RIF1: variants seen among roughly 807,000 people sequenced by gnomAD.
RIF1 encodes replication timing regulatory factor 1.
A neutral mutation model predicts 247.1 loss-of-function variants in RIF1; 45 were observed. The observed-to-expected ratio is 0.18, with a 90% CI of 0.14 to 0.23. The LOEUF is 0.23. Among genes scored for constraint, RIF1 ranks in the 10% least tolerant of loss-of-function variants. The pLI is 1.00. For synonymous variants in RIF1, 1,087 were observed against 978.8 expected (o/e 1.11, Z -2.06); for missense variants, 2,967 against 2,862.5 (o/e 1.04, Z -0.83).
intron 33 of RIF1, 95 bp from the exon 34 acceptor site, chr2:151,469,616 T>G: frequency 5.8e-5 from 55 of 951,246 alleles, no homozygotes; most frequent in Non-Finnish European, 7.4e-5. Context: ...CAGTTATGAT[T>G]GAGCTTAAAT....
At chr2:151,507,919 C>T (rs2070637413) in exon 14 of RIF1, 5 of 903,944 alleles carry the variant, frequency 5.5e-6, no homozygotes, top group Non-Finnish European at 8.9e-6. Context: ...ACAACAGCCC[C>T]ACTGCAAGCC....
rs1223114980 is a variant in RIF1 at position 151,468,720 on chromosome 2, T to C, written c.6905T>C (p.Val2302Ala). 6.2e-7 allele frequency: 1 copy of C among 1,613,718 alleles called. No homozygotes were observed. Among genetic ancestry groups the C allele is most frequent in the African/African-American group, 1.3e-5 (1 of 74,936 alleles). ...CCATTGGTGAACTGTGTGGCACCAG[T>C]TGACATCATTTTACCTCAGATTACA... is the stretch of plus-strand genomic sequence containing the variant. ...YPPLVNCVAP[V>A]DIILPQITSN... The change falls in exon 33 of 36, where the codon GTT (valine) becomes GCT (alanine). Residue 2302 changes from valine (V) to alanine (A), a missense_variant. Coordinates refer to ENST00000444746, the MANE Select transcript of RIF1 (RefSeq NM_018151.5).
rs764288963 is a variant in RIF1 at position 151,464,633 on chromosome 2, A to G, written c.5113A>G (p.Ile1705Val). 2.5e-6 allele frequency: 4 copies of G among 1,613,694 alleles called. No homozygotes were observed. Among genetic ancestry groups the G allele is most frequent in the Non-Finnish European group, 3.4e-6 (4 of 1,179,726 alleles). ...GESSKIGISD[I>V]SSLSEKTFQT... is the part of the protein sequence containing the mutation. The stretch of plus-strand genomic sequence containing the variant: ...ATCCTCAAAAATAGGGATATCAGAT[A>G]TTTCTTCGCTTTCAGAAAAAACTTT... Residue 1705 changes from isoleucine to valine, a missense_variant, in exon 30 of 36, where the codon ATT becomes GTT. Transcript: ENST00000444746.
rs1161118420 is a variant in RIF1, at chr2:151,463,295, A to G, written c.3775A>G (p.Thr1259Ala). The change falls in exon 30 of 36, where the codon ACA becomes GCA. Residue 1259 changes from threonine to alanine, a missense_variant. Around this residue, in one of 7 missense-constraint regions of RIF1, gnomAD observed 2,028 missense variants for 1,825.6 expected, o/e 1.11. Coordinates refer to ENST00000444746, the MANE Select transcript of RIF1 (RefSeq NM_018151.5). The stretch of plus-strand genomic sequence containing the variant: ...AAATAACCAGGAAACCATGATTAAA[A>G]CAGATTTTCTACCAAAAGCAAAGCA... ...VKNNQETMIK[T>A]DFLPKAKQRE... The G allele has an allele frequency of 6.2e-7, 1 of 1,612,724 alleles. No individual in the cohort carries two copies. Among genetic ancestry groups the G allele is most frequent in the Non-Finnish European group, 8.5e-7 (1 of 1,179,680 alleles).
At chr2:151,467,306 C>A (rs16823297) in intron 30 of RIF1, among the ~76,000 whole-genome samples, 10,220 of 152,200 alleles carry the variant, frequency 0.067, 1,118 homozygotes, top group African/African-American at 0.23. Context: ...ACTGAAAATT[C>A]TTCTGCTGAG....
At chr2:151,534,236 G>A in the RIF1 span, 41 of 1,613,306 alleles carry the variant, frequency 2.5e-5, no homozygotes, top group African/African-American at 1.7e-4. Flanking sequence ...GGTCGCCTGC[G>A]GTCTTAGCCA....
intron 34 of RIF1, among the ~76,000 whole-genome samples, chr2:151,470,188 T>C (rs1161677813): frequency 2.0e-4 from 30 of 147,282 alleles, no homozygotes; most frequent in Admixed American, 6.9e-5. Flanking sequence ...CCTACCACAT[T>C]TGTGACTTAT....
rs151190227 is a variant in RIF1 at position 151,429,101 on chromosome 2, G to A, written c.925+179G>A. On this transcript the variant is annotated intron_variant, in intron 9 of 35. Transcript: ENST00000444746. ...AAATAGAATTCACATACTAGGCATT[G>A]GAAATCACAAATATGAAATCTGTTT... 1.4e-3 allele frequency among the ~76,000 whole-genome samples: 219 copies of A among 152,154 alleles called. 1 individual carries two copies. The highest frequency in any genetic ancestry group is 5.1e-3 in the African/African-American group (212 of 41,536).
chr2:151,482,639 C>T (rs2049215718), downstream of RIF1, among the ~76,000 whole-genome samples: 3 of 151,750 alleles, frequency 2.0e-5, no homozygotes, highest in South Asian at 2.1e-4. Context: ...TGATGGCAGC[C>T]GAAGAAAAGC....
chr2:151,504,555 T>C (rs1477597539), intron 12 of RIF1, among the ~76,000 whole-genome samples: 1 of 152,178 alleles, frequency 6.6e-6, no homozygotes, highest in Non-Finnish European at 1.5e-5. Context: ...CTAAATAATA[T>C]GAACAACCTG....
chr2:151,516,425 A>G, the RIF1 span: 1 of 1,422,546 alleles, frequency 7.0e-7, no homozygotes, highest in Admixed American at 1.7e-5. Flanking sequence ...AGTGTGATGG[A>G]TCATTGTTGT....
chr2:151,432,347 C>T (rs1690321944), intron 9 of RIF1, among the ~76,000 whole-genome samples: 1 of 152,162 alleles, frequency 6.6e-6, no homozygotes, highest in African/African-American at 2.4e-5. Context: ...TTAGCACAGA[C>T]TGTGTCTTAA....
At chr2:151,473,898 AAAAG>A (rs2048771266) in intron 34 of RIF1, 62 bp from the exon 35 acceptor site, 1 of 840,248 alleles carries the variant, frequency 1.2e-6, no homozygotes, top group Non-Finnish European at 2.1e-6. Flanking sequence ...TACTCCTATT[AAAAG>A]TAAAGTTTCA....
Position 151,436,920 on chromosome 2 carries a change from T to TGGGAC in RIF1, c.1290_1294dup (p.Leu432ArgfsTer16). On this transcript the variant is annotated frameshift_variant, in exon 12 of 36. Coordinates refer to ENST00000444746, the MANE Select transcript of RIF1 (RefSeq NM_018151.5). LOFTEE classifies it high-confidence loss of function. ...GCCACAATCCCATCCATTCAACTTT[T>TGGGAC]GGGACTTGAAATGTTGCTTCATTTC... 6.2e-7 allele frequency: 1 copy of TGGGAC among 1,614,170 alleles called. No individual in the cohort carries two copies. Among genetic ancestry groups the TGGGAC allele is most frequent in the Non-Finnish European group, 8.5e-7 (1 of 1,179,998 alleles).
At chr2:151,435,781 A>G (rs77875906) in intron 11 of RIF1, among the ~76,000 whole-genome samples, 2 of 150,152 alleles carry the variant, frequency 1.3e-5, no homozygotes, top group East Asian at 1.9e-4. Context: ...TTTTTTTTTA[A>G]TATTACTGAT....
chr2:151,488,066 C>A (rs2052585537), intron 9 of RIF1, among the ~76,000 whole-genome samples: 1 of 152,062 alleles, frequency 6.6e-6, no homozygotes. Flanking sequence ...ATGGTGAACA[C>A]CTTTTTCTGT....
chr2:151,510,405 T>TCTAA (rs1391991071), downstream of RIF1, among the ~76,000 whole-genome samples: 1 of 152,250 alleles, frequency 6.6e-6, no homozygotes, highest in Non-Finnish European at 1.5e-5. Flanking sequence ...GCTTTTAATA[T>TCTAA]CTAACTTAAC....
chr2:151,460,219 A>C (rs1695907718), intron 26 of RIF1, 100 bp downstream of exon 26: 1 of 981,272 alleles, frequency 1.0e-6, no homozygotes, highest in African/African-American at 1.7e-5. Context: ...AAGACTAAAT[A>C]AAGGTTGGGA....
chr2:151,503,617 TA>T (rs201416585), intron 12 of RIF1, among the ~76,000 whole-genome samples: 1 of 87,766 alleles, frequency 1.1e-5, no homozygotes, highest in Admixed American at 1.4e-4. Context: ...TCCAAAATAG[TA>T]AAAATTTTTA....
Sources: allele counts gnomAD v4.1 joint callset (sites outside exome capture counted in the v4.1 genomes callset), GRCh38; gene constraint gnomAD v4.1.1; regional missense constraint gnomAD v4.1.1; transcripts MANE v1.5; gene names NCBI Gene and HGNC (gene_info 2026-07-23, HGNC 2026-07-21).